MON2: variants seen among roughly 807,000 people sequenced by gnomAD.
MON2 encodes MON2 regulator of endosome-to-Golgi trafficking.
A neutral mutation model predicts 208.6 loss-of-function variants in MON2; 84 were observed. That is an observed-to-expected ratio of 0.40 (90% CI 0.34 to 0.48). The LOEUF (loss-of-function observed/expected upper bound fraction) is 0.48. Ranked by LOEUF, MON2 falls within the 20% of genes least tolerant of loss-of-function variation. The pLI, the probability that MON2 is intolerant of heterozygous loss-of-function variation, is 0.59. For synonymous variants in MON2, 660 were observed against 694.0 expected (o/e 0.95, Z 0.77); for missense variants, 1,611 against 2,015.4 (o/e 0.80, Z 3.84).
intron 25 of MON2, 87 bp downstream of exon 25, chr12:62,556,279 T>A: frequency 1.6e-6 from 2 of 1,245,778 alleles, no homozygotes; most frequent in Non-Finnish European, 2.3e-6. Context: ...GAGTCTATCT[T>A]AACTTAGTCT....
intron 15 of MON2, 103 bp downstream of exon 15, chr12:62,537,366 T>C: frequency 2.4e-6 from 2 of 826,892 alleles, no homozygotes; most frequent in South Asian, 1.9e-5. Flanking sequence ...ATTTACTTTC[T>C]TTTACTAGAA....
chr12:62,566,483 A>C (rs1258632479), intron 29 of MON2, 33 bp downstream of exon 29: 3 of 1,584,614 alleles, frequency 1.9e-6, no homozygotes, highest in Non-Finnish European at 2.6e-6. Context: ...CTTTCATTAG[A>C]TGGTGTGAAC....
chr12:62,588,279 T>G (rs946408754), intron 34 of MON2, 123 bp downstream of exon 34: 9 of 633,966 alleles, frequency 1.4e-5, no homozygotes, highest in Admixed American at 1.1e-4. Flanking sequence ...TTTTCTCCAG[T>G]TCTCATGACA....
chr12:62,536,086 A>G (rs2136233456), intron 14 of MON2, among the ~76,000 whole-genome samples: 1 of 152,262 alleles, frequency 6.6e-6, no homozygotes, highest in East Asian at 1.9e-4. Context: ...GAAATCGGAA[A>G]CAGTTGTGAT....
At chr12:62,546,167 A>G (rs2073474043) in intron 21 of MON2, among the ~76,000 whole-genome samples, 1 of 152,136 alleles carries the variant, frequency 6.6e-6, no homozygotes, top group Non-Finnish European at 1.5e-5. Flanking sequence ...ACTACATCAC[A>G]CTTGAGAATT....
At chr12:62,584,705 CAA>C (rs1226172058) in intron 32 of MON2, among the ~76,000 whole-genome samples, 3 of 71,380 alleles carry the variant, frequency 4.2e-5, no homozygotes, top group Non-Finnish European at 4.7e-5. Context: ...TCTGTCTCAA[CAA>C]AAAAAAAAAA....
At chr12:62,540,005 A>T (rs2073162062) in intron 19 of MON2, among the ~76,000 whole-genome samples, 1 of 152,162 alleles carries the variant, frequency 6.6e-6, no homozygotes, top group Non-Finnish European at 1.5e-5. Flanking sequence ...GTTTGTTCTA[A>T]ATCAGGGCAA....
At chr12:62,530,858 T>A (rs1033848289) in intron 11 of MON2, among the ~76,000 whole-genome samples, 2 of 152,176 alleles carry the variant, frequency 1.3e-5, no homozygotes, top group Admixed American at 1.3e-4. Context: ...CTACCAACAA[T>A]GTGTGAGGAG....
chr12:62,600,465 G>C lies in MON2; in HGVS notation c.*7716G>C, dbSNP rs916189249. ...TACAAGACTATACAATTAAATACTG[G>C]TGTATCACTAACAACTGTTTAGACC... On this transcript the variant is annotated 3_prime_UTR_variant, in exon 35 of 35. Transcript: ENST00000393630. 1.3e-5 allele frequency: 2 copies of C among 152,204 alleles called. No homozygotes were observed. Among genetic ancestry groups the C allele is most frequent in the Admixed American group, 6.5e-5 (1 of 15,286 alleles). The allele number at this position is 152,204 out of a possible 1,614,324, so 9.4% of individuals were successfully genotyped here.
At chr12:62,520,661 G>A (rs562605340) in intron 8 of MON2, among the ~76,000 whole-genome samples, 1 of 151,808 alleles carries the variant, frequency 6.6e-6, no homozygotes, top group African/African-American at 2.4e-5. Context: ...TTGGCCAGGC[G>A]CAGTGGCTCA....
intron 10 of MON2, among the ~76,000 whole-genome samples, chr12:62,525,712 A>G (rs1213956587): frequency 2.0e-5 from 3 of 152,178 alleles, no homozygotes; most frequent in Non-Finnish European, 4.4e-5. Flanking sequence ...CTAAACATTT[A>G]TCAGCATTTT....
intron 2 of MON2, chr12:62,490,241 T>C (rs2070041332): frequency 6.5e-6 from 1 of 154,322 alleles, no homozygotes; most frequent in Admixed American, 6.5e-5. Context: ...AAATAAACTT[T>C]TTCTTTTATC....
rs747465883 is a variant in MON2, at chr12:62,526,004, G to T, written c.1302G>T (p.Gly434=). ...VSAPANSGMV[G]IGGGVTLLPA... ...CACCAGCTAACTCAGGAATGGTGGG[G>T]ATTGGTGGAGGTGTTACTTTGCTAC... The change falls in exon 11 of 35, where the codon GGG becomes GGT. Residue 434 remains glycine, a synonymous_variant. Coordinates refer to ENST00000393630, the MANE Select transcript of MON2 (RefSeq NM_015026.3). 1.9e-6 allele frequency: 3 copies of T among 1,613,914 alleles called. No individual in the cohort carries two copies. Among genetic ancestry groups the T allele is most frequent in the Non-Finnish European group, 2.5e-6 (3 of 1,179,832 alleles).
At chr12:62,589,621 G>T (rs2075326920) in intron 34 of MON2, among the ~76,000 whole-genome samples, 1 of 151,748 alleles carries the variant, frequency 6.6e-6, no homozygotes, top group Non-Finnish European at 1.5e-5. Context: ...TCTTCAAAAA[G>T]TGTCCTGGGC....
intron 5 of MON2, among the ~76,000 whole-genome samples, 189 bp downstream of exon 5, chr12:62,499,237 A>G (rs2070707742): frequency 6.6e-6 from 1 of 152,222 alleles, no homozygotes; most frequent in Non-Finnish European, 1.5e-5. Flanking sequence ...TAGTGTATGC[A>G]TAATTTTGTA....
chr12:62,578,640 G>C, intron 31 of MON2, 135 bp downstream of exon 31: 1 of 573,778 alleles, frequency 1.7e-6, no homozygotes, highest in Non-Finnish European at 3.0e-6. Context: ...ACTCTTACAG[G>C]TTAAACGTTG....
chr12:62,495,689 CAAAAAAAAAAAA>C (rs56155110), intron 4 of MON2, among the ~76,000 whole-genome samples: 70 of 108,498 alleles, frequency 6.5e-4, no homozygotes, highest in East Asian at 4.2e-3. Context: ...GACTCCGTCT[CAAAAAAAAAAAA>C]AAAAAAAAAA....
chr12:62,525,915 G>A, intron 10 of MON2, 34 bp from the exon 11 acceptor site: 2 of 1,599,074 alleles, frequency 1.3e-6, no homozygotes, highest in South Asian at 1.1e-5. Flanking sequence ...TAGTAAATTA[G>A]TGTCTTTTCT....
intron 2 of MON2, among the ~76,000 whole-genome samples, chr12:62,488,446 C>T (rs2069922760): frequency 6.6e-6 from 1 of 152,018 alleles, no homozygotes; most frequent in African/African-American, 2.4e-5. Flanking sequence ...TGTTGCCTGA[C>T]TGTAGAGTAT....
Sources: allele counts gnomAD v4.1 joint callset (sites outside exome capture counted in the v4.1 genomes callset), GRCh38; gene constraint gnomAD v4.1.1; transcripts MANE v1.5; gene names NCBI Gene and HGNC (gene_info 2026-07-23, HGNC 2026-07-21).